The following PCDHGA12 variants were observed in gnomAD, a reference collection of about 807,000 sequenced individuals.
PCDHGA12 encodes protocadherin gamma subfamily A, 12.
PCDHGA12 carries 43 observed loss-of-function variants against 61.1 expected under a neutral mutation model. The observed-to-expected ratio is 0.70, with a 90% confidence interval of 0.55 to 0.91. The LOEUF (loss-of-function observed/expected upper bound fraction) is 0.91. PCDHGA12 is among the 40% of genes least tolerant of loss of function. The pLI is 0.00. For synonymous variants in PCDHGA12, 520 were observed against 542.9 expected (o/e 0.96, Z 0.59); for missense variants, 1,236 against 1,227.7 (o/e 1.01, Z -0.10).
chr5:141,479,003 C>T (rs2099485569), intron 1 of PCDHGA12, among the ~76,000 whole-genome samples: 1 of 152,176 alleles, frequency 6.6e-6, no homozygotes, highest in South Asian at 2.1e-4. Context: ...AAACTAATAG[C>T]TTTTTGATAA....
In PCDHGA12 at chr5:141,486,334, C is replaced by T; in HGVS notation, c.2425-8473C>T. 1.2e-6 allele frequency: 2 copies of T among 1,614,098 alleles called. No individual in the cohort carries two copies. ...CAGGGTCAAACGGAGATGTGAGCCT[C>T]CGCATTCCTGACCACTTGCCATTTG... On this transcript the variant is annotated intron_variant, in intron 1 of 3. Coordinates refer to ENST00000252085, the MANE Select transcript of PCDHGA12 (RefSeq NM_003735.3). This position sits in a 1 kb window ranked among gnomAD's most constrained non-coding sequence, Gnocchi z 5.0.
chr5:141,433,849 A>C (rs116534867), intron 1 of PCDHGA12, among the ~76,000 whole-genome samples: 2,948 of 152,020 alleles, frequency 0.019, 43 homozygotes, highest in African/African-American at 0.028. Context: ...AAAAAAAAAA[A>C]AAAAAACTTT....
intron 1 of PCDHGA12, among the ~76,000 whole-genome samples, chr5:141,465,040 C>T (rs1396261200): frequency 6.6e-6 from 1 of 151,842 alleles, no homozygotes; most frequent in Non-Finnish European, 1.5e-5. Context: ...CCACAAATGA[C>T]CCTATATATT....
Position 141,476,698 on chromosome 5 carries a change from G to C in PCDHGA12, c.2425-18109G>C, listed in dbSNP as rs2075661. Reference sequence around the variant, plus strand: ...CGCGGGAGGACAGCACCAAGTACGCGGAGCTGGTGTTGGAGCGCGCCCTGG... The same window carrying C: ...CGCGGGAGGACAGCACCAAGTACGCCGAGCTGGTGTTGGAGCGCGCCCTGG... On this transcript the variant is annotated intron_variant, in intron 1 of 3. Transcript: ENST00000252085. The surrounding 1 kb of genome is among the most constrained non-coding windows in gnomAD (Gnocchi z 7.6). The C allele has an allele frequency of 0.2, 326,683 of 1,614,030 alleles. 35,085 individuals carry two copies. Among genetic ancestry groups the C allele is most frequent in the Admixed American group, 0.37 (22,021 of 59,992 alleles).
At chr5:141,499,244 CAA>C (rs1191956146) in intron 2 of PCDHGA12, among the ~76,000 whole-genome samples, 1 of 152,090 alleles carries the variant, frequency 6.6e-6, no homozygotes, top group Non-Finnish European at 1.5e-5. Flanking sequence ...AGCCTCTGCA[CAA>C]AGAGTCTCCA....
intron 1 of PCDHGA12, among the ~76,000 whole-genome samples, chr5:141,448,521 GCATCCTGTCAGCATTTC>G (rs1378426350): frequency 1.3e-5 from 2 of 151,994 alleles, no homozygotes; most frequent in Non-Finnish European, 2.9e-5. Flanking sequence ...ACTTTATTAA[GCATCCTGTCAGCATTTC>G]TTATGCAAAT....
At chr5:141,504,529 G>A (rs1333393859) in intron 2 of PCDHGA12, among the ~76,000 whole-genome samples, 1 of 151,900 alleles carries the variant, frequency 6.6e-6, no homozygotes, top group African/African-American at 2.4e-5. Context: ...TATTTTATTC[G>A]TGTCATCATG....
At chr5:141,445,339 A>G (rs1450773291) in intron 1 of PCDHGA12, among the ~76,000 whole-genome samples, 1 of 152,152 alleles carries the variant, frequency 6.6e-6, no homozygotes, top group Non-Finnish European at 1.5e-5. Context: ...GAAACAGTAA[A>G]CATTGGTGTC....
intron 2 of PCDHGA12, among the ~76,000 whole-genome samples, chr5:141,501,026 G>A (rs1053442173): frequency 7.9e-5 from 12 of 151,608 alleles, no homozygotes; most frequent in Non-Finnish European, 1.5e-4. Flanking sequence ...GCGCCACCAC[G>A]CCCAGCTAAT....
At chr5:141,447,576 A>G (rs758449068) in intron 1 of PCDHGA12, among the ~76,000 whole-genome samples, 6 of 152,214 alleles carry the variant, frequency 3.9e-5, no homozygotes, top group African/African-American at 7.2e-5. Context: ...CTATGTCCAC[A>G]CATACCTTAA....
At chr5:141,481,722 G>A (rs546676646) in intron 1 of PCDHGA12, among the ~76,000 whole-genome samples, 1 of 152,214 alleles carries the variant, frequency 6.6e-6, no homozygotes, top group African/African-American at 2.4e-5. Flanking sequence ...GGGAGGCGGA[G>A]GCGGGCGGAT....
rs188117490 is a variant in PCDHGA12 at position 141,507,256 on chromosome 5, C to G, written c.2572+1775C>G. 3 of 152,178 alleles carry G rather than the reference C, an allele frequency of 2.0e-5. No individual in the cohort carries two copies. In the East Asian group the frequency reaches 5.8e-4, roughly 29 times the overall value. The allele number at this position is 152,178 out of a possible 1,614,324, so 9.4% of individuals were successfully genotyped here. ...CAGTTACAGTTGAATGTCAGATAAA[C>G]AGCAAGTACTATTTCAGCATAAGTC... On this transcript the variant is annotated intron_variant, in intron 3 of 3. Coordinates refer to ENST00000252085, the MANE Select transcript of PCDHGA12 (RefSeq NM_003735.3).
chr5:141,439,117 C>T (rs1219829519), intron 1 of PCDHGA12, among the ~76,000 whole-genome samples: 6 of 150,696 alleles, frequency 4.0e-5, no homozygotes, highest in African/African-American at 7.3e-5. Context: ...CACTTGAACC[C>T]GGGAGACAGA....
At chr5:141,438,763 G>C (rs537316602) in intron 1 of PCDHGA12, among the ~76,000 whole-genome samples, 1 of 149,962 alleles carries the variant, frequency 6.7e-6, no homozygotes, top group South Asian at 2.1e-4. Context: ...CTGGGTTCAA[G>C]CGATTCTCCT....
chr5:141,470,147 T>A (rs1394329530), intron 1 of PCDHGA12, among the ~76,000 whole-genome samples: 1 of 152,172 alleles, frequency 6.6e-6, no homozygotes. Context: ...AGATCATAGA[T>A]CATCTTATCA....
intron 1 of PCDHGA12, among the ~76,000 whole-genome samples, chr5:141,488,423 T>C (rs1204233986): frequency 2.0e-5 from 3 of 152,354 alleles, no homozygotes; most frequent in Non-Finnish European, 4.4e-5. Context: ...CCATCCATGC[T>C]TGGCCTCTGA....
chr5:141,459,076 C>T (rs1474375780), intron 1 of PCDHGA12, among the ~76,000 whole-genome samples: 1 of 152,144 alleles, frequency 6.6e-6, no homozygotes, highest in Non-Finnish European at 1.5e-5. Context: ...ATAAAATTTG[C>T]CTTTTAAAAT....
At chr5:141,499,168 C>T (rs1169979036) in intron 2 of PCDHGA12, among the ~76,000 whole-genome samples, 3 of 152,184 alleles carry the variant, frequency 2.0e-5, no homozygotes, top group African/African-American at 7.2e-5. Context: ...GTCTCAAGCT[C>T]TGAGCCCAGC....
chr5:141,434,480 C>T (rs777049751), intron 1 of PCDHGA12, among the ~76,000 whole-genome samples: 6 of 152,194 alleles, frequency 3.9e-5, no homozygotes, highest in Non-Finnish European at 5.9e-5. Context: ...GGGCAAGGAA[C>T]ACCTGGCCCG....
Sources: allele counts gnomAD v4.1 joint callset (sites outside exome capture counted in the v4.1 genomes callset), GRCh38; gene constraint gnomAD v4.1.1; non-coding constraint Gnocchi (gnomAD v3.1); transcripts MANE v1.5; gene names NCBI Gene and HGNC (gene_info 2026-07-23, HGNC 2026-07-21).